DLC1: variants seen among roughly 807,000 people sequenced by gnomAD.
DLC1 encodes rho GTPase-activating protein 7.
DLC1 carries 54 observed loss-of-function variants against 140.3 expected under a neutral mutation model. The observed-to-expected ratio is 0.38, with a 90% confidence interval of 0.31 to 0.48. The LOEUF is 0.48. Ranked by LOEUF, DLC1 falls within the 20% of genes least tolerant of loss-of-function variation. The pLI, the probability that DLC1 is intolerant of heterozygous loss-of-function variation, is 0.96. For synonymous variants in DLC1, 986 were observed against 728.1 expected (o/e 1.35, Z -5.70); for missense variants, 2,536 against 1,907.0 (o/e 1.33, Z -6.14).
At chr8:13,449,308 T>C (rs1798937412) in intron 2 of DLC1, among the ~76,000 whole-genome samples, 1 of 152,206 alleles carries the variant, frequency 6.6e-6, no homozygotes, top group African/African-American at 2.4e-5. Context: ...AGGGAACATT[T>C]GTCTTTGAAA....
chr8:13,405,922 TTTCTTTC>T (rs1183710882), intron 2 of DLC1, among the ~76,000 whole-genome samples: 6 of 87,518 alleles, frequency 6.9e-5, no homozygotes, highest in South Asian at 4.4e-4. Context: ...TTTTCTTTTC[TTTCTTTC>T]TTTCTTTCTT....
At chr8:13,233,100 G>C (rs1030269508) in intron 5 of DLC1, among the ~76,000 whole-genome samples, 1 of 151,912 alleles carries the variant, frequency 6.6e-6, no homozygotes, top group African/African-American at 2.4e-5. Flanking sequence ...TTTGAGACCA[G>C]CCTGGCCAAC....
intron 5 of DLC1, among the ~76,000 whole-genome samples, chr8:13,154,316 C>T (rs765971668): frequency 6.6e-6 from 1 of 152,166 alleles, no homozygotes; most frequent in South Asian, 2.1e-4. Flanking sequence ...CAGGAATGGC[C>T]GGCTGCAGGT....
intron 1 of DLC1, among the ~76,000 whole-genome samples, chr8:13,522,170 G>C (rs1802785626): frequency 6.6e-6 from 1 of 152,138 alleles, no homozygotes; most frequent in Non-Finnish European, 1.5e-5. Flanking sequence ...TATGGCATCA[G>C]GAGCTGCTGA....
chr8:13,290,054 A>G (rs1831699248), intron 5 of DLC1, among the ~76,000 whole-genome samples: 1 of 152,100 alleles, frequency 6.6e-6, no homozygotes, highest in African/African-American at 2.4e-5. Context: ...TGTCTTCAAT[A>G]GTTTTATGAG....
At chr8:13,214,849 G>C in intron 5 of DLC1, 1 of 748,550 alleles carries the variant, frequency 1.3e-6, no homozygotes. Flanking sequence ...TCAATGAGTG[G>C]CAATAGATGG....
chr8:13,115,676 A>G lies in DLC1; in HGVS notation c.1349-19T>C, dbSNP rs1357442336. 1 of 1,611,558 alleles carries G rather than the reference A, an allele frequency of 6.2e-7. No individual in the cohort carries two copies. Among genetic ancestry groups the G allele is most frequent in the Non-Finnish European group, 8.5e-7 (1 of 1,179,072 alleles). On this transcript the variant is annotated intron_variant, in intron 5 of 17. Coordinates refer to ENST00000276297, the MANE Select transcript of DLC1 (RefSeq NM_182643.3). ...TCAATTTCTAGAACAGAACAGAAGA[A>G]AGACAAAATTAGCCATGTGTACCTC...
At chr8:13,272,261 A>T (rs1217395077) in intron 5 of DLC1, among the ~76,000 whole-genome samples, 2 of 152,080 alleles carry the variant, frequency 1.3e-5, no homozygotes, top group African/African-American at 2.4e-5. Flanking sequence ...CAGCCTGGCC[A>T]ACATGGTGAA....
intron 1 of DLC1, among the ~76,000 whole-genome samples, chr8:13,581,579 A>C (rs1344853093): frequency 6.6e-6 from 1 of 152,190 alleles, no homozygotes; most frequent in Admixed American, 6.5e-5. Context: ...CTTTATATCC[A>C]CTGTCACCCA....
chr8:13,103,808 C>G (rs1279914386), intron 7 of DLC1, among the ~76,000 whole-genome samples: 3 of 144,456 alleles, frequency 2.1e-5, no homozygotes, highest in Non-Finnish European at 3.0e-5. Flanking sequence ...CCACTGCACT[C>G]CAGCCTGGGC....
chr8:13,232,755 A>G (rs1442753461), intron 5 of DLC1, among the ~76,000 whole-genome samples: 1 of 152,244 alleles, frequency 6.6e-6, no homozygotes, highest in African/African-American at 2.4e-5. Flanking sequence ...TACTTCATCA[A>G]TTCTGGAATT....
intron 1 of DLC1, among the ~76,000 whole-genome samples, chr8:13,534,433 A>C (rs193122401): frequency 6.6e-6 from 1 of 152,134 alleles, no homozygotes; most frequent in Non-Finnish European, 1.5e-5. Context: ...TGGGTTTTTC[A>C]AGTTATATCA....
At chr8:13,126,239 G>A (rs372603171) in intron 5 of DLC1, among the ~76,000 whole-genome samples, 2 of 150,642 alleles carry the variant, frequency 1.3e-5, no homozygotes, top group Non-Finnish European at 3.0e-5. Context: ...GCAAAAAGAG[G>A]TCAAACTGAA....
intron 5 of DLC1, among the ~76,000 whole-genome samples, chr8:13,147,094 C>G (rs1050566568): frequency 2.0e-5 from 3 of 152,106 alleles, no homozygotes; most frequent in African/African-American, 7.2e-5. Context: ...ACCTAGGAAC[C>G]ATTCATCAGT....
intron 2 of DLC1, among the ~76,000 whole-genome samples, chr8:13,407,681 A>C (rs56095941): frequency 0.034 from 5,177 of 152,282 alleles, 121 homozygotes; most frequent in Non-Finnish European, 0.05. Context: ...TGATAAATTA[A>C]ATGCTAAACC....
intron 5 of DLC1, among the ~76,000 whole-genome samples, chr8:13,282,903 A>G (rs1248339235): frequency 1.3e-5 from 2 of 152,238 alleles, no homozygotes; most frequent in African/African-American, 4.8e-5. Context: ...AAAAACCCAA[A>G]AAACTCACAT....
intron 1 of DLC1, among the ~76,000 whole-genome samples, chr8:13,502,881 A>G (rs893458818): frequency 9.2e-5 from 14 of 152,314 alleles, no homozygotes; most frequent in African/African-American, 3.4e-4. Flanking sequence ...TATGAAGTGA[A>G]TTTCCATGGG....
chr8:13,230,159 G>A (rs932044035), intron 5 of DLC1, among the ~76,000 whole-genome samples: 54 of 152,208 alleles, frequency 3.5e-4, no homozygotes, highest in African/African-American at 1.2e-3. Flanking sequence ...TCTAAGAAAG[G>A]ACTTTGATGT....
At chr8:13,335,495 C>G (rs1177198071) in intron 4 of DLC1, among the ~76,000 whole-genome samples, 2 of 152,108 alleles carry the variant, frequency 1.3e-5, no homozygotes, top group Admixed American at 6.6e-5. Context: ...CGTCAAGGCA[C>G]GAGACTTCCT....
Sources: allele counts gnomAD v4.1 joint callset (sites outside exome capture counted in the v4.1 genomes callset), GRCh38; gene constraint gnomAD v4.1.1; transcripts MANE v1.5; gene names NCBI Gene and HGNC (gene_info 2026-07-23, HGNC 2026-07-21).